The following B3GALT1 variants were observed in gnomAD, a reference collection of about 807,000 sequenced individuals.
The protein encoded by B3GALT1 is UDP-Gal:betaGlcNAc beta 1,3-galactosyltransferase, polypeptide 1.
In B3GALT1, 10 loss-of-function variants were observed where a neutral mutation model predicts 23.2. That is an observed-to-expected ratio of 0.43 (90% CI 0.27 to 0.73). The LOEUF (loss-of-function observed/expected upper bound fraction) is 0.73. Ranked by LOEUF, B3GALT1 falls within the 30% of genes least tolerant of loss-of-function variation. The pLI is 0.21. For missense variants in B3GALT1, 299 were observed against 405.4 expected, an observed-to-expected ratio of 0.74 and a Z score of 2.25; for synonymous variants, 156 against 141.5, an observed-to-expected ratio of 1.10 and a Z score of -0.73.
At chr2:167,333,187 A>G (rs1032574215) in intron 1 of B3GALT1, among the ~76,000 whole-genome samples, 1 of 152,212 alleles carries the variant, frequency 6.6e-6, no homozygotes, top group Admixed American at 6.5e-5. Flanking sequence ...GACAACAGCA[A>G]CCCAATTTTG....
At chr2:167,663,333 G>A (rs1454909842) in intron 3 of B3GALT1, among the ~76,000 whole-genome samples, 3 of 151,818 alleles carry the variant, frequency 2.0e-5, no homozygotes, top group Non-Finnish European at 4.4e-5. Context: ...GTGTATATGT[G>A]CCACATTTTC....
chr2:167,361,363 G>A (rs2689825), intron 1 of B3GALT1, among the ~76,000 whole-genome samples: 122,867 of 151,980 alleles, frequency 0.81, 51,458 homozygotes, highest in East Asian at 0.92. Context: ...CAGTCGTATC[G>A]TAAGAATCCA....
chr2:167,444,328 CTT>C (rs755066057), intron 1 of B3GALT1, among the ~76,000 whole-genome samples: 17 of 152,128 alleles, frequency 1.1e-4, no homozygotes, highest in South Asian at 2.1e-4. Flanking sequence ...CTAAAATTCT[CTT>C]TTTTTGTTTT....
chr2:167,412,987 A>G (rs1698413213), intron 1 of B3GALT1, among the ~76,000 whole-genome samples: 1 of 152,186 alleles, frequency 6.6e-6, no homozygotes, highest in Non-Finnish European at 1.5e-5. Flanking sequence ...TTGTAATTCC[A>G]TCTATTGTGA....
intron 2 of B3GALT1, among the ~76,000 whole-genome samples, chr2:167,492,548 G>A (rs1436607328): frequency 1.3e-5 from 2 of 152,152 alleles, no homozygotes; most frequent in African/African-American, 4.8e-5. Flanking sequence ...ATAAGGAACT[G>A]CCAAACTGTA....
intron 2 of B3GALT1, among the ~76,000 whole-genome samples, chr2:167,563,206 T>A (rs1399928684): frequency 6.8e-6 from 1 of 146,460 alleles, no homozygotes; most frequent in Non-Finnish European, 1.5e-5. Context: ...GAGGGGCTCC[T>A]CACCTCCCAG....
chr2:167,445,102 G>T (rs1421961849), intron 1 of B3GALT1, among the ~76,000 whole-genome samples: 2 of 152,020 alleles, frequency 1.3e-5, no homozygotes, highest in Non-Finnish European at 1.5e-5. Flanking sequence ...ATCTTTATTT[G>T]TGCTTTCATT....
chr2:167,512,546 G>GTATATATATGTATATATATATGTA (rs1553463223), intron 2 of B3GALT1, among the ~76,000 whole-genome samples: 15 of 80,222 alleles, frequency 1.9e-4, no homozygotes, highest in Non-Finnish European at 2.9e-4. Flanking sequence ...ATATATATAT[G>GTATATATATGTATATATATATGTA]TATATATATG....
At chr2:167,526,746 G>T (rs12990145) in intron 2 of B3GALT1, among the ~76,000 whole-genome samples, 62,893 of 151,964 alleles carry the variant, frequency 0.41, 14,315 homozygotes, top group East Asian at 0.88. Flanking sequence ...CTTTATTTCA[G>T]AATTTATAGT....
At chr2:167,296,107 A>G (rs938154489) in intron 1 of B3GALT1, among the ~76,000 whole-genome samples, 6 of 152,182 alleles carry the variant, frequency 3.9e-5, no homozygotes, top group Non-Finnish European at 7.3e-5. Flanking sequence ...ACTGCCATAT[A>G]TTCTAGATGA....
intron 1 of B3GALT1, among the ~76,000 whole-genome samples, chr2:167,342,034 A>G (rs1697155209): frequency 6.6e-6 from 1 of 152,192 alleles, no homozygotes; most frequent in Non-Finnish European, 1.5e-5. Context: ...TACATGGTCA[A>G]GCCGCATAAA....
At chr2:167,712,087 A>G (rs979583594) in intron 3 of B3GALT1, among the ~76,000 whole-genome samples, 2 of 151,876 alleles carry the variant, frequency 1.3e-5, no homozygotes, top group Non-Finnish European at 2.9e-5. Context: ...TTCATTCCTT[A>G]CTTCTTTTAA....
intron 2 of B3GALT1, among the ~76,000 whole-genome samples, chr2:167,593,180 A>G (rs186282421): frequency 4.6e-5 from 7 of 152,348 alleles, no homozygotes; most frequent in Admixed American, 2.6e-4. Flanking sequence ...AGCATTCATC[A>G]TAATAGAAAA....
chr2:167,766,828 C>T (rs1558972462), intron 3 of B3GALT1, among the ~76,000 whole-genome samples: 1 of 152,108 alleles, frequency 6.6e-6, no homozygotes, highest in African/African-American at 2.4e-5. Context: ...AATAAACAGG[C>T]GTGATCACTC....
At chr2:167,761,407 G>A (rs761009873) in intron 3 of B3GALT1, among the ~76,000 whole-genome samples, 18 of 152,142 alleles carry the variant, frequency 1.2e-4, no homozygotes, top group Non-Finnish European at 2.1e-4. Flanking sequence ...TGTTCCTAGG[G>A]AGCATGCATT....
At chr2:167,340,636 G>T (rs910342853) in intron 1 of B3GALT1, among the ~76,000 whole-genome samples, 2 of 152,182 alleles carry the variant, frequency 1.3e-5, no homozygotes, top group Non-Finnish European at 2.9e-5. Context: ...TCACCTTGAC[G>T]TAACTCTTTT....
intron 1 of B3GALT1, among the ~76,000 whole-genome samples, chr2:167,440,632 G>A (rs2105312670): frequency 6.6e-6 from 1 of 151,858 alleles, no homozygotes; most frequent in East Asian, 1.9e-4. Flanking sequence ...ATTTAGCTTA[G>A]CTATGTCCAA....
intron 1 of B3GALT1, among the ~76,000 whole-genome samples, chr2:167,447,976 G>C (rs1336388899): frequency 6.6e-6 from 1 of 152,016 alleles, no homozygotes; most frequent in Non-Finnish European, 1.5e-5. Flanking sequence ...GTTCCTATTC[G>C]GCCATCTTGG....
At chr2:167,834,456 G>T (rs982351028) in intron 4 of B3GALT1, among the ~76,000 whole-genome samples, 2 of 152,186 alleles carry the variant, frequency 1.3e-5, no homozygotes, top group Non-Finnish European at 2.9e-5. Context: ...AGCCATTGTG[G>T]TCTCTTTTCC....
Sources: gnomAD v4.1 joint callset for allele counts (sites outside exome capture counted in the v4.1 genomes callset) on GRCh38, gnomAD v4.1.1 for gene constraint, MANE v1.5 for transcripts, NCBI Gene and HGNC (gene_info 2026-07-23, HGNC 2026-07-21) for gene names.